Variants in EIF3E observed in about 807,000 individuals in gnomAD.
EIF3E encodes eukaryotic translation initiation factor 3 subunit E, also known as eIF-3 p48.
EIF3E carries 25 observed loss-of-function variants against 59.3 expected under a neutral mutation model. The observed-to-expected ratio is 0.42, with a 90% CI of 0.31 to 0.59. EIF3E has a LOEUF of 0.59. Ranked by LOEUF, EIF3E falls within the 20% of genes least tolerant of loss-of-function variation. EIF3E has a pLI of 0.15. For missense variants in EIF3E, 317 were observed against 534.3 expected (o/e 0.59, Z 4.01); for synonymous variants, 176 against 170.2 (o/e 1.03, Z -0.26).
chr8:108,219,124 T>G (rs1419548276), intron 7 of EIF3E, among the ~76,000 whole-genome samples: 1 of 152,216 alleles, frequency 6.6e-6, no homozygotes, highest in African/African-American at 2.4e-5. Flanking sequence ...AGACTCATCA[T>G]TAATTTATCT....
At chr8:108,230,543 C>T (rs1161624894) in intron 5 of EIF3E, among the ~76,000 whole-genome samples, 1 of 151,844 alleles carries the variant, frequency 6.6e-6, no homozygotes, top group Non-Finnish European at 1.5e-5. Context: ...CATTGGGGAC[C>T]ACAATACAAA....
chr8:108,246,548 T>C (rs932320798), intron 1 of EIF3E, among the ~76,000 whole-genome samples: 4 of 152,200 alleles, frequency 2.6e-5, no homozygotes, highest in African/African-American at 2.4e-5. Context: ...CTCAGTTATA[T>C]GGCCCTATAC....
intron 1 of EIF3E, chr8:108,242,142 T>C: frequency 1.4e-6 from 2 of 1,392,154 alleles, no homozygotes; most frequent in Non-Finnish European, 1.9e-6. Context: ...AGAATTACTG[T>C]AGACATTCCC....
At chr8:108,218,400 C>G (rs1459853744) in intron 7 of EIF3E, among the ~76,000 whole-genome samples, 1 of 152,134 alleles carries the variant, frequency 6.6e-6, no homozygotes, top group Non-Finnish European at 1.5e-5. Context: ...TTCCCCCAGG[C>G]AATGATGAGT....
chr8:108,224,083 G>A (rs1215887992), intron 7 of EIF3E, among the ~76,000 whole-genome samples: 1 of 150,654 alleles, frequency 6.6e-6, no homozygotes, highest in Non-Finnish European at 1.5e-5. Context: ...GTAGCCAGGC[G>A]TGGTGGTGGG....
chr8:108,224,769 CAGTTA>C (rs1469987393), intron 7 of EIF3E, among the ~76,000 whole-genome samples: 1 of 151,410 alleles, frequency 6.6e-6, no homozygotes, highest in African/African-American at 2.5e-5. Context: ...TTATATCACT[CAGTTA>C]AGTTACTAAA....
At chr8:108,242,452 T>C (rs528038601) in intron 1 of EIF3E, 3 of 1,286,368 alleles carry the variant, frequency 2.3e-6, no homozygotes, top group Admixed American at 2.3e-5. Flanking sequence ...TAGATACATA[T>C]ACACAAACTC....
chr8:108,214,903 A>G (rs545043128), intron 9 of EIF3E, among the ~76,000 whole-genome samples, 187 bp from the exon 10 acceptor site: 1 of 152,380 alleles, frequency 6.6e-6, no homozygotes, highest in Non-Finnish European at 1.5e-5. Context: ...CACAAGATAA[A>G]GACCTAAAAA....
chr8:108,220,816 T>C (rs529361876), intron 7 of EIF3E, among the ~76,000 whole-genome samples: 1 of 152,324 alleles, frequency 6.6e-6, no homozygotes, highest in African/African-American at 2.4e-5. Context: ...AAACATGTTT[T>C]AACTGGATCA....
chr8:108,243,746 T>A (rs1815890694), intron 1 of EIF3E, among the ~76,000 whole-genome samples: 2 of 152,140 alleles, frequency 1.3e-5, no homozygotes, highest in Admixed American at 1.3e-4. Flanking sequence ...TATGTATCAT[T>A]GACCAGTACA....
Position 108,201,591 on chromosome 8 carries a change from T to C in EIF3E, c.*294A>G, listed in dbSNP as rs941060413. The C allele has an allele frequency of 9.5e-5, 21 of 222,014 alleles. No individual in the cohort carries two copies. The highest frequency in any genetic ancestry group is 4.1e-4 in the African/African-American group (18 of 43,526). 13.8% of individuals were successfully genotyped at this position (222,014 alleles called of 1,614,324 possible). A position where few individuals can be genotyped will look rare whatever the true frequency, so the allele number is the denominator to read the frequency against. On this transcript the variant is annotated 3_prime_UTR_variant, in exon 13 of 13. Transcript: ENST00000220849. ...ACATCCTGGTTTTGATACTGTACCATAGTAAGACAAAGTGAAAAAATTGAG... is the reference window on the plus strand; with the variant it reads ...ACATCCTGGTTTTGATACTGTACCACAGTAAGACAAAGTGAAAAAATTGAG...
intron 9 of EIF3E, among the ~76,000 whole-genome samples, chr8:108,215,055 A>G (rs960471010): frequency 6.6e-6 from 1 of 152,230 alleles, no homozygotes; most frequent in Non-Finnish European, 1.5e-5. Flanking sequence ...ACAAGCTCGG[A>G]GTATTTCTAC....
Position 108,201,769 on chromosome 8 carries a change from C to A in EIF3E, c.*116G>T, listed in dbSNP as rs1814999714. On this transcript the variant is annotated 3_prime_UTR_variant, in exon 13 of 13. Transcript: ENST00000220849. Reference sequence around the variant, plus strand: ...AAAATGAATCAATTTTATTCCAATTCTTCAAAATTTATACGTAATATGTTG... The same window carrying A: ...AAAATGAATCAATTTTATTCCAATTATTCAAAATTTATACGTAATATGTTG... 1 of 863,696 alleles carries A rather than the reference C, an allele frequency of 1.2e-6. No homozygotes were observed. Among genetic ancestry groups the A allele is most frequent in the Non-Finnish European group, 1.6e-6 (1 of 623,878 alleles). The allele number at this position is 863,696 out of a possible 1,614,324, so 53.5% of individuals were successfully genotyped here.
intron 3 of EIF3E, among the ~76,000 whole-genome samples, chr8:108,237,296 G>A (rs973264789): frequency 6.6e-5 from 10 of 152,180 alleles, no homozygotes; most frequent in South Asian, 2.1e-4. Context: ...CTGTCACTCC[G>A]GATGGAGTTC....
chr8:108,209,329 T>C (rs1815163798), intron 10 of EIF3E, among the ~76,000 whole-genome samples: 1 of 152,066 alleles, frequency 6.6e-6, no homozygotes, highest in Non-Finnish European at 1.5e-5. Flanking sequence ...TTTTGGGGCT[T>C]AAAGATATTT....
chr8:108,212,548 TC>T (rs1424027750), intron 10 of EIF3E, among the ~76,000 whole-genome samples: 1 of 152,188 alleles, frequency 6.6e-6, no homozygotes, highest in Non-Finnish European at 1.5e-5. Context: ...ACGCCTGTAA[TC>T]CCAGCACTTT....
intron 4 of EIF3E, among the ~76,000 whole-genome samples, chr8:108,235,796 T>C (rs1233712839): frequency 6.6e-6 from 1 of 152,250 alleles, no homozygotes; most frequent in Non-Finnish European, 1.5e-5. Flanking sequence ...CTAATTCAAA[T>C]TTAATTCTGT....
intron 1 of EIF3E, chr8:108,243,331 T>C (rs1233715716): frequency 6.6e-6 from 1 of 152,142 alleles, no homozygotes; most frequent in African/African-American, 2.4e-5. Context: ...GGGGTCAAGA[T>C]GAAGGTTTAA....
intron 2 of EIF3E, among the ~76,000 whole-genome samples, chr8:108,240,966 C>CGA (rs1815824909): frequency 7.1e-6 from 1 of 141,404 alleles, no homozygotes; most frequent in Non-Finnish European, 1.5e-5. Context: ...GGCAACACAG[C>CGA]GAGACTCCAT....
Sources: gnomAD v4.1 joint callset for allele counts (sites outside exome capture counted in the v4.1 genomes callset) on GRCh38, gnomAD v4.1.1 for gene constraint, MANE v1.5 for transcripts, NCBI Gene and HGNC (gene_info 2026-07-23, HGNC 2026-07-21) for gene names.